TCN2: variants seen among roughly 807,000 people sequenced by gnomAD.
TCN2 encodes transcobalamin-2.
A neutral mutation model predicts 48.6 loss-of-function variants in TCN2; 34 were observed. The observed-to-expected ratio is 0.70, with a 90% CI of 0.53 to 0.93. TCN2 has a LOEUF of 0.93. TCN2 is among the 40% of genes least tolerant of loss of function. The pLI is 0.00. For missense variants in TCN2, 652 were observed against 526.1 expected (o/e 1.24, Z -2.34); for synonymous variants, 283 against 212.5 (o/e 1.33, Z -2.89).
Position 30,607,467 on chromosome 22 carries a change from A to G in TCN2, c.64+72A>G, listed in dbSNP as rs28704032. The G allele has an allele frequency of 0.024, 36,998 of 1,563,112 alleles. 495 individuals are homozygous for G. The highest frequency in any genetic ancestry group is 0.05 in the East Asian group (2,203 of 44,416). On this transcript the variant is annotated intron_variant, in intron 1 of 8. Transcript: ENST00000215838. Reference sequence around the variant, plus strand: ...AGTGGGGTGGCTAGGGCATAGGATGAGGGAACTTACCTGCCCTTCTAAGCT... The same window carrying G: ...AGTGGGGTGGCTAGGGCATAGGATGGGGGAACTTACCTGCCCTTCTAAGCT...
chr22:30,612,842 C>G lies in TCN2; in HGVS notation c.258-31C>G, dbSNP rs1200432815. ...AAGCAGGCTTACGGGGTGGCAGTTTCTCACAAAGGCATTAACTGGCCTTGT... is the reference window on the plus strand; with the variant it reads ...AAGCAGGCTTACGGGGTGGCAGTTTGTCACAAAGGCATTAACTGGCCTTGT... On this transcript the variant is annotated intron_variant, in intron 2 of 8. Transcript: ENST00000215838. 7 of 1,611,888 alleles carry G rather than the reference C, an allele frequency of 4.3e-6. No individual in the cohort carries two copies. In the African/African-American group the frequency reaches 8.0e-5, roughly 18 times the overall value.
intron 7 of TCN2, among the ~76,000 whole-genome samples, chr22:30,620,473 C>A (rs774351971): frequency 2.0e-5 from 3 of 152,378 alleles, no homozygotes; most frequent in Admixed American, 2.0e-4. Context: ...GCACTCCTGG[C>A]CTGGCTCAGC....
At chr22:30,625,268 G>A (rs908273473) in intron 8 of TCN2, among the ~76,000 whole-genome samples, 4 of 152,084 alleles carry the variant, frequency 2.6e-5, no homozygotes, top group Non-Finnish European at 5.9e-5. Context: ...TCTGGAGGTT[G>A]GGTGGGCAGT....
rs144019474 is a variant in TCN2, at chr22:30,626,414, G to A, written c.1223-46G>A. The A allele has an allele frequency of 7.6e-4, 1,226 of 1,603,592 alleles. 19 individuals carry two copies. In the South Asian group the frequency reaches 0.01, roughly 14 times the overall value. On this transcript the variant is annotated intron_variant, in intron 8 of 8. Coordinates refer to ENST00000215838, the MANE Select transcript of TCN2 (RefSeq NM_000355.4). ...TCTGGAAGATGAGGTTGCGGGGTGC[G>A]ATATTCTGCCCAATTCGCCCCTCCT...
At position 30,617,775 on chromosome 22, in the gene TCN2, G is replaced by A. The variant is rs1005232976; in HGVS notation, c.1106+280G>A. On this transcript the variant is annotated intron_variant, in intron 7 of 8. Transcript: ENST00000215838. ...TCCAGGTAGGCACCCACAATTCACCGAGGAGAACAGTTGTGCCCCTTCCCT... is the reference window on the plus strand; with the variant it reads ...TCCAGGTAGGCACCCACAATTCACCAAGGAGAACAGTTGTGCCCCTTCCCT... 12 of 474,508 alleles carry A rather than the reference G, an allele frequency of 2.5e-5. 1 individual carries two copies. The highest frequency in any genetic ancestry group is 8.1e-5 in the South Asian group (4 of 49,466). The allele number at this position is 474,508 out of a possible 1,614,324, so 29.4% of individuals were successfully genotyped here. A position where few individuals can be genotyped will look rare whatever the true frequency, so the allele number is the denominator to read the frequency against.
At position 30,617,802 on chromosome 22, in the gene TCN2, C is replaced by T. The variant is rs12169435; in HGVS notation, c.1106+307C>T. ...GGAGAACAGTTGTGCCCCTTCCCTG[C>T]AGGGCCAGTGTGAAGAGTCCAGGAG... On this transcript the variant is annotated intron_variant, in intron 7 of 8. Transcript: ENST00000215838. 9,424 of 438,352 alleles carry T rather than the reference C, an allele frequency of 0.021. 156 individuals are homozygous for T. The highest frequency in any genetic ancestry group is 0.047 in the African/African-American group (2,347 of 49,948). 27.2% of individuals were successfully genotyped at this position (438,352 alleles called of 1,614,324 possible).
In TCN2 at chr22:30,615,793, C is replaced by T. The variant is rs769742386; in HGVS notation, c.940+6C>T. 3 of 1,614,022 alleles carry T rather than the reference C, an allele frequency of 1.9e-6. No individual in the cohort carries two copies. The highest frequency in any genetic ancestry group is 2.5e-6 in the Non-Finnish European group (3 of 1,180,016). ...AGACTGTCTGGCACCACGAGGTAGC[C>T]CAACTTTTTGTGGAAGCACAGCCCT... On this transcript the variant is annotated splice_donor_region_variant and intron_variant, in intron 6 of 8. Coordinates refer to ENST00000215838, the MANE Select transcript of TCN2 (RefSeq NM_000355.4).
chr22:30,610,685 G>A (rs968590494), intron 1 of TCN2, among the ~76,000 whole-genome samples, 186 bp from the exon 2 acceptor site: 12 of 152,172 alleles, frequency 7.9e-5, no homozygotes, highest in Non-Finnish European at 1.6e-4. Context: ...AGAGATACAC[G>A]CTTCCCCTCT....
chr22:30,620,988 G>T (rs2087688656), intron 7 of TCN2, among the ~76,000 whole-genome samples: 1 of 152,158 alleles, frequency 6.6e-6, no homozygotes, highest in Non-Finnish European at 1.5e-5. Flanking sequence ...CCCAAATAGG[G>T]TGGTGGTTGT....
At chr22:30,611,888 C>T (rs576338587) in intron 2 of TCN2, among the ~76,000 whole-genome samples, 1 of 152,266 alleles carries the variant, frequency 6.6e-6, no homozygotes, top group East Asian at 1.9e-4. Flanking sequence ...GGCGAAGAAT[C>T]AGCCATGGAG....
chr22:30,621,845 C>G (rs1449226347), intron 7 of TCN2, among the ~76,000 whole-genome samples: 1 of 152,170 alleles, frequency 6.6e-6, no homozygotes, highest in African/African-American at 2.4e-5. Flanking sequence ...CCTTTCTTCT[C>G]TCTGCCTCCT....
In TCN2 at chr22:30,623,947, C is replaced by CATATACACACACAT. The variant is rs1405645109; in HGVS notation, c.1222+868_1222+869insACACACACATATAT. Among the ~76,000 whole-genome samples, 21 of 27,432 alleles carry CATATACACACACAT rather than the reference C, an allele frequency of 7.7e-4. 7 individuals carry two copies. The South Asian group carries it at 0.01, about 14-fold the overall frequency. The allele number at this position is 27,432 out of a possible 152,430, so 18.0% of individuals were successfully genotyped here. A position where few individuals can be genotyped will look rare whatever the true frequency, so the allele number is the denominator to read the frequency against. On this transcript the variant is annotated intron_variant, in intron 8 of 8. Coordinates refer to ENST00000215838, the MANE Select transcript of TCN2 (RefSeq NM_000355.4). ...ATATGTATACATATATACACACACA[C>CATATACACACACAT]ATATGTATACATATATACACACACA...
chr22:30,617,266 G>T, intron 6 of TCN2, 64 bp from the exon 7 acceptor site: 1 of 1,609,948 alleles, frequency 6.2e-7, no homozygotes, highest in Non-Finnish European at 8.5e-7. Flanking sequence ...GGGAAGACAA[G>T]AAGACAAATA....
chr22:30,617,768 A>G (rs1410353279), intron 7 of TCN2: 2 of 482,788 alleles, frequency 4.1e-6, no homozygotes, highest in Non-Finnish European at 7.6e-6. Flanking sequence ...GGCACCCACA[A>G]TTCACCGAGG....
chr22:30,617,608 C>T (rs1451621389), intron 7 of TCN2, 113 bp downstream of exon 7: 1 of 1,368,106 alleles, frequency 7.3e-7, no homozygotes, highest in Non-Finnish European at 1.0e-6. Context: ...GACACTGGCC[C>T]TGCTTCTGCT....
At chr22:30,611,736 G>A (rs1445852227) in intron 2 of TCN2, among the ~76,000 whole-genome samples, 2 of 152,214 alleles carry the variant, frequency 1.3e-5, no homozygotes, top group South Asian at 2.1e-4. Context: ...TTGAACTCCT[G>A]ACCTCAGGTG....
In TCN2 at chr22:30,614,468, G is replaced by A. The variant is rs201925682; in HGVS notation, c.547G>A (p.Val183Met). ...DSVVDKLLYA[V>M]EPFHQGHHSV... ...CGTGGTGGACAAACTTCTGTATGCT[G>A]TGGAACCTTTCCACCAGGGCCACCA... The change falls in exon 4 of 9, where the codon GTG becomes ATG. Residue 183 changes from valine to methionine, a missense_variant. Val to Met is a conservative substitution (Grantham distance 21). Coordinates refer to ENST00000215838, the MANE Select transcript of TCN2 (RefSeq NM_000355.4). 110 of 1,614,168 alleles carry A rather than the reference G, an allele frequency of 6.8e-5. No individual in the cohort carries two copies. In the East Asian group the frequency reaches 2.2e-3, roughly 32 times the overall value.
intron 7 of TCN2, among the ~76,000 whole-genome samples, chr22:30,620,143 CTTTTTTTTTTT>C (rs35127123): frequency 6.9e-6 from 1 of 144,934 alleles, no homozygotes; most frequent in African/African-American, 2.5e-5. Context: ...GATGACAAAA[CTTTTTTTTTTT>C]TTTTAAAAGA....
intron 8 of TCN2, among the ~76,000 whole-genome samples, chr22:30,624,814 C>T (rs910503707): frequency 5.9e-5 from 9 of 152,218 alleles, no homozygotes; most frequent in African/African-American, 2.2e-4. Context: ...AATCACTCCT[C>T]TATCTTCCTT....
Sources: allele counts gnomAD v4.1 joint callset (sites outside exome capture counted in the v4.1 genomes callset), GRCh38; gene constraint gnomAD v4.1.1; transcripts MANE v1.5; gene names NCBI Gene and HGNC (gene_info 2026-07-23, HGNC 2026-07-21).